The following TMOD1 variants were observed in gnomAD, a reference collection of about 807,000 sequenced individuals.
TMOD1 encodes the protein tropomodulin-1.
A neutral mutation model predicts 40.6 loss-of-function variants in TMOD1; 17 were observed. The ratio of observed to expected loss-of-function variants is 0.42; its 90% CI spans 0.29 to 0.63. The LOEUF (loss-of-function observed/expected upper bound fraction) is 0.63. TMOD1 is among the 20% of genes least tolerant of loss of function. The pLI is 0.22. For missense variants in TMOD1, 391 were observed against 447.6 expected (o/e 0.87, Z 1.14); for synonymous variants, 181 against 175.0 (o/e 1.03, Z -0.27).
Position 97,545,675 on chromosome 9 carries a change from C to CT in TMOD1, c.121-501dup, listed in dbSNP as rs554106560. Among the ~76,000 whole-genome samples, 14 of 151,494 alleles carry CT rather than the reference C, an allele frequency of 9.2e-5. No homozygotes were observed. In the South Asian group the frequency reaches 1.3e-3, roughly 14 times the overall value. On this transcript the variant is annotated intron_variant, in intron 2 of 9. Coordinates refer to ENST00000259365, the MANE Select transcript of TMOD1 (RefSeq NM_003275.4). Reference sequence around the variant, plus strand: ...GCTGCTTTCCTGGGCCTTTCTCCAGCTTTTTTTTTGGTCTGCCTCTTCCTG... The same window carrying CT: ...GCTGCTTTCCTGGGCCTTTCTCCAGCTTTTTTTTTTGGTCTGCCTCTTCCTG...
intron 2 of TMOD1, among the ~76,000 whole-genome samples, chr9:97,543,534 A>G (rs2131243826): frequency 6.6e-6 from 1 of 152,372 alleles, no homozygotes; most frequent in South Asian, 2.1e-4. Context: ...AGCAACTCTC[A>G]TTATTCACAT....
chr9:97,525,314 G>A (rs577724361), intron 2 of TMOD1, among the ~76,000 whole-genome samples: 8 of 152,226 alleles, frequency 5.3e-5, no homozygotes, highest in African/African-American at 1.9e-4. Flanking sequence ...AAACAATCTT[G>A]TGTTACATGA....
intron 8 of TMOD1, among the ~76,000 whole-genome samples, chr9:97,589,775 T>C (rs914158295): frequency 6.6e-6 from 1 of 152,206 alleles, no homozygotes; most frequent in Non-Finnish European, 1.5e-5. Flanking sequence ...CTTATCTTGT[T>C]CCTAATCTTG....
intron 8 of TMOD1, among the ~76,000 whole-genome samples, chr9:97,569,933 G>A (rs1336033405): frequency 2.6e-5 from 4 of 151,784 alleles, no homozygotes; most frequent in Non-Finnish European, 5.9e-5. Context: ...TCTTTTTTAT[G>A]AATGGGGACT....
Position 97,598,808 on chromosome 9 carries a change from A to T in TMOD1, c.1016-826A>T, listed in dbSNP as rs576897269. 3.3e-5 allele frequency among the ~76,000 whole-genome samples: 5 copies of T among 152,224 alleles called. No homozygotes were observed. The East Asian group carries it at 9.7e-4, about 29-fold the overall frequency. On this transcript the variant is annotated intron_variant, in intron 9 of 9. Transcript: ENST00000259365. The stretch of plus-strand genomic sequence containing the variant: ...CCTGAAGACATCTAAGTATAGACGG[A>T]CTTTTTTTCCCTCCACCATAGCTTC...
At chr9:97,552,394 C>T (rs1830468710) in intron 3 of TMOD1, among the ~76,000 whole-genome samples, 1 of 152,160 alleles carries the variant, frequency 6.6e-6, no homozygotes, top group South Asian at 2.1e-4. Context: ...CTTCTAGGCC[C>T]TTGTCCTGCT....
intron 8 of TMOD1, among the ~76,000 whole-genome samples, chr9:97,577,422 G>A (rs1825637231): frequency 6.6e-6 from 1 of 152,202 alleles, no homozygotes; most frequent in African/African-American, 2.4e-5. Flanking sequence ...TCCTGGTCCT[G>A]CAACTGACCC....
intron 2 of TMOD1, among the ~76,000 whole-genome samples, chr9:97,544,548 T>G (rs908948422): frequency 2.0e-5 from 3 of 149,430 alleles, no homozygotes; most frequent in East Asian, 4.0e-4. Flanking sequence ...AAAAAAAAAG[T>G]AAAAAAAATT....
intron 9 of TMOD1, among the ~76,000 whole-genome samples, chr9:97,597,984 G>A (rs1433688194): frequency 6.6e-6 from 1 of 152,020 alleles, no homozygotes; most frequent in Non-Finnish European, 1.5e-5. Context: ...CCCACACAAG[G>A]CTCAAGTCTA....
At chr9:97,568,203 T>C (rs1830761673) in intron 7 of TMOD1, among the ~76,000 whole-genome samples, 1 of 152,136 alleles carries the variant, frequency 6.6e-6, no homozygotes, top group Non-Finnish European at 1.5e-5. Context: ...GGGGAGTATG[T>C]ACAGGAGGTT....
At chr9:97,525,168 A>G (rs1452658495) in intron 2 of TMOD1, among the ~76,000 whole-genome samples, 2 of 152,222 alleles carry the variant, frequency 1.3e-5, no homozygotes, top group African/African-American at 4.8e-5. Context: ...CCTTCCCCAG[A>G]AGAGGAGGTA....
intron 1 of TMOD1, among the ~76,000 whole-genome samples, chr9:97,511,891 C>T (rs7028843): frequency 2.6e-5 from 4 of 152,006 alleles, no homozygotes; most frequent in Non-Finnish European, 4.4e-5. Context: ...AGCTGGCCCT[C>T]AGGCAGTTTT....
chr9:97,517,427 C>T (rs72751508), intron 1 of TMOD1, among the ~76,000 whole-genome samples: 21,416 of 152,018 alleles, frequency 0.14, 1,706 homozygotes, highest in East Asian at 0.19. Flanking sequence ...CTATGCTGAC[C>T]CCAAGGGTCT....
intron 3 of TMOD1, among the ~76,000 whole-genome samples, chr9:97,548,458 G>A (rs1408011889): frequency 1.3e-5 from 2 of 152,176 alleles, no homozygotes; most frequent in Admixed American, 6.5e-5. Context: ...TGGAGGGGGT[G>A]GCAGGAGAGA....
At chr9:97,565,740 T>C (rs917723891) in intron 6 of TMOD1, 108 bp from the exon 7 acceptor site, 42 of 855,562 alleles carry the variant, frequency 4.9e-5, no homozygotes, top group Admixed American at 1.1e-4. Flanking sequence ...TTCAGCTTTT[T>C]GGCCAGAGAC....
At chr9:97,508,706 T>G (rs1308604082) in intron 1 of TMOD1, among the ~76,000 whole-genome samples, 1 of 152,224 alleles carries the variant, frequency 6.6e-6, no homozygotes, top group East Asian at 1.9e-4. Flanking sequence ...ATTAGCTTTG[T>G]GACCTTGGTC....
chr9:97,582,217 T>C (rs1825773847), intron 8 of TMOD1, among the ~76,000 whole-genome samples: 1 of 150,050 alleles, frequency 6.7e-6, no homozygotes, highest in Non-Finnish European at 1.5e-5. Flanking sequence ...TTTCTACATA[T>C]GGCTAGCCAG....
chr9:97,530,670 T>C (rs1830083520), intron 2 of TMOD1, among the ~76,000 whole-genome samples: 1 of 151,804 alleles, frequency 6.6e-6, no homozygotes, highest in Non-Finnish European at 1.5e-5. Context: ...TTTGTATTTT[T>C]AGTAGAGACG....
At chr9:97,552,242 C>T (rs1383640713) in intron 3 of TMOD1, among the ~76,000 whole-genome samples, 2 of 152,132 alleles carry the variant, frequency 1.3e-5, no homozygotes, top group East Asian at 3.9e-4. Context: ...AAGTGGGCAC[C>T]CTTGTCTTGT....
Sources: gnomAD v4.1 joint callset for allele counts (sites outside exome capture counted in the v4.1 genomes callset) on GRCh38, gnomAD v4.1.1 for gene constraint, MANE v1.5 for transcripts, NCBI Gene and HGNC (gene_info 2026-07-23, HGNC 2026-07-21) for gene names.